Variants in GRIA4 observed in about 807,000 individuals in gnomAD.
The protein encoded by GRIA4 is glutamate receptor 4.
GRIA4 carries 34 observed loss-of-function variants against 104.0 expected under a neutral mutation model. The observed-to-expected ratio is 0.33, with a 90% CI of 0.25 to 0.44. The LOEUF is 0.44. GRIA4 is among the 20% of genes least tolerant of loss of function. GRIA4 has a pLI of 1.00. For missense variants in GRIA4, 750 were observed against 1,096.5 expected, an observed-to-expected ratio of 0.68 and a Z score of 4.46; for synonymous variants, 386 against 381.9, an observed-to-expected ratio of 1.01 and a Z score of -0.13.
chr11:105,753,984 T>C (rs1364336269), intron 4 of GRIA4, among the ~76,000 whole-genome samples: 1 of 152,130 alleles, frequency 6.6e-6, no homozygotes, highest in Non-Finnish European at 1.5e-5. Context: ...CCTTTGGGTT[T>C]TTATGAAAGC....
At chr11:105,763,656 A>G (rs1940781284) in intron 4 of GRIA4, among the ~76,000 whole-genome samples, 1 of 152,188 alleles carries the variant, frequency 6.6e-6, no homozygotes, top group Non-Finnish European at 1.5e-5. Flanking sequence ...GTTTTGATAG[A>G]TGCCAGGTTA....
chr11:105,949,018 T>G (rs1489711328), intron 14 of GRIA4, among the ~76,000 whole-genome samples: 2 of 152,180 alleles, frequency 1.3e-5, no homozygotes, highest in Non-Finnish European at 2.9e-5. Context: ...CCCTTGATAT[T>G]AACAACAAAG....
chr11:105,767,855 A>G (rs1941023058), intron 4 of GRIA4, among the ~76,000 whole-genome samples: 1 of 152,154 alleles, frequency 6.6e-6, no homozygotes, highest in Non-Finnish European at 1.5e-5. Context: ...AAGTGCAGGC[A>G]GTTTGGATTA....
At position 105,913,390 on chromosome 11, in the gene GRIA4, C is replaced by T. The variant is rs112824976; in HGVS notation, c.1269+2845C>T. ...TGAATTTATTCTACCTGAATATAAT[C>T]ATACTGAATATACCACAGCAAAATC... On this transcript the variant is annotated intron_variant, in intron 10 of 16. Coordinates refer to ENST00000282499, the MANE Select transcript of GRIA4 (RefSeq NM_000829.4). The T allele has an allele frequency of 1.2e-3, 555 of 461,542 alleles. 5 individuals carry two copies. The highest frequency in any genetic ancestry group is 0.011 in the African/African-American group (530 of 47,270). 28.6% of individuals were successfully genotyped at this position (461,542 alleles called of 1,614,324 possible). A position where few individuals can be genotyped will look rare whatever the true frequency, so the allele number is the denominator to read the frequency against.
intron 9 of GRIA4, among the ~76,000 whole-genome samples, chr11:105,907,525 CTT>C (rs1320724459): frequency 3.3e-5 from 5 of 152,174 alleles, no homozygotes; most frequent in Non-Finnish European, 7.3e-5. Context: ...GTTTGTCTGA[CTT>C]CTGCAACAGG....
At chr11:105,961,191 A>G (rs1948736970) in intron 14 of GRIA4, among the ~76,000 whole-genome samples, 1 of 152,212 alleles carries the variant, frequency 6.6e-6, no homozygotes, top group Admixed American at 6.5e-5. Flanking sequence ...ATGGTGAGAA[A>G]TGAATTTGCA....
At chr11:105,943,834 T>A (rs1042383695) in intron 14 of GRIA4, among the ~76,000 whole-genome samples, 2 of 152,064 alleles carry the variant, frequency 1.3e-5, no homozygotes, top group African/African-American at 4.8e-5. Flanking sequence ...AGCTTTACCA[T>A]CTCTGCAGGT....
At chr11:105,676,194 A>G (rs1304811368) in intron 3 of GRIA4, among the ~76,000 whole-genome samples, 3 of 151,774 alleles carry the variant, frequency 2.0e-5, no homozygotes, top group Admixed American at 6.6e-5. Flanking sequence ...TGATGGATAT[A>G]TAAATTACTA....
chr11:105,920,372 A>T (rs1173051415), intron 11 of GRIA4, among the ~76,000 whole-genome samples: 1 of 152,194 alleles, frequency 6.6e-6, no homozygotes, highest in East Asian at 1.9e-4. Flanking sequence ...CTTAGATGTT[A>T]ACAATATCGA....
At chr11:105,846,446 G>A (rs1049079959) in intron 4 of GRIA4, among the ~76,000 whole-genome samples, 2 of 151,950 alleles carry the variant, frequency 1.3e-5, no homozygotes, top group Non-Finnish European at 2.9e-5. Flanking sequence ...ATGAATGCAT[G>A]TATACATAAT....
Position 105,924,437 on chromosome 11 carries a change from G to A in GRIA4, c.1515G>A (p.Leu505=), listed in dbSNP as rs376716642. 343 of 1,606,114 alleles carry A rather than the reference G, an allele frequency of 2.1e-4. No homozygotes were observed. Among genetic ancestry groups the A allele is most frequent in the Non-Finnish European group, 2.7e-4 (316 of 1,174,066 alleles). The part of the protein sequence containing the change: ...EIAIAPLTIT[L]VREEVIDFSK... ...CTATTGCCCCTCTGACAATCACTTT[G>A]GTACGAGAGGAGGTCATTGACTTTT... Residue 505 remains leucine (L), a synonymous_variant, in exon 12 of 17, where the codon TTG becomes TTA. Transcript: ENST00000282499.
intron 3 of GRIA4, among the ~76,000 whole-genome samples, chr11:105,616,997 G>A (rs1950617569): frequency 6.6e-6 from 1 of 151,034 alleles, no homozygotes; most frequent in Non-Finnish European, 1.5e-5. Context: ...GTATTTTAGA[G>A]TTGTCGTAGG....
rs1053249753 is a variant in GRIA4, at chr11:105,899,964, C to T, written c.885+1537C>T. Among the ~76,000 whole-genome samples, 121 of 152,070 alleles carry T rather than the reference C, an allele frequency of 8.0e-4. 1 individual carries two copies. Among genetic ancestry groups the T allele is most frequent in the Non-Finnish European group, 3.1e-4 (21 of 68,006 alleles). On this transcript the variant is annotated intron_variant, in intron 7 of 16. Transcript: ENST00000282499. ...TTTGGGCCATGTTAAACAGTGAAAT[C>T]ATCAGCAAAAAGCACAAAACTGCAG... is the stretch of plus-strand genomic sequence containing the variant.
chr11:105,826,832 A>C (rs949540770), intron 4 of GRIA4, among the ~76,000 whole-genome samples: 1 of 152,022 alleles, frequency 6.6e-6, no homozygotes, highest in African/African-American at 2.4e-5. Context: ...TGCGAAACAG[A>C]GTTAACAGCT....
intron 3 of GRIA4, among the ~76,000 whole-genome samples, chr11:105,681,124 A>G (rs1952696230): frequency 6.6e-6 from 1 of 152,202 alleles, no homozygotes; most frequent in Admixed American, 6.5e-5. Flanking sequence ...GAGTAAAGAG[A>G]GAGCATATGA....
chr11:105,744,556 A>G (rs1939526109), intron 3 of GRIA4, among the ~76,000 whole-genome samples: 1 of 152,172 alleles, frequency 6.6e-6, no homozygotes, highest in African/African-American at 2.4e-5. Flanking sequence ...TTTGCTGAGG[A>G]ATACATACCT....
Position 105,980,596 on chromosome 11 carries a change from C to T in GRIA4, c.*857C>T, listed in dbSNP as rs1206580717. ...CAATCATCAGTCTGCGGTGTAGACT[C>T]GAAAGAGATGACAGGTCACTCATGT... On this transcript the variant is annotated 3_prime_UTR_variant, in exon 17 of 17. Coordinates refer to ENST00000282499, the MANE Select transcript of GRIA4 (RefSeq NM_000829.4). 6.7e-6 allele frequency: 1 copy of T among 148,502 alleles called. No individual in the cohort carries two copies. Among genetic ancestry groups the T allele is most frequent in the Admixed American group, 6.7e-5 (1 of 14,958 alleles). The allele number at this position is 148,502 out of a possible 1,614,324, so 9.2% of individuals were successfully genotyped here.
chr11:105,805,864 A>C (rs1313179185), intron 4 of GRIA4, among the ~76,000 whole-genome samples: 1 of 151,890 alleles, frequency 6.6e-6, no homozygotes, highest in Non-Finnish European at 1.5e-5. Flanking sequence ...TTCCTTAGTA[A>C]CCCATAAATG....
At chr11:105,689,457 A>C (rs1017427530) in intron 3 of GRIA4, among the ~76,000 whole-genome samples, 1 of 152,218 alleles carries the variant, frequency 6.6e-6, no homozygotes, top group African/African-American at 2.4e-5. Flanking sequence ...TTGGAGTCTC[A>C]GTTCTATTGT....
Sources: allele counts gnomAD v4.1 joint callset (sites outside exome capture counted in the v4.1 genomes callset), GRCh38; gene constraint gnomAD v4.1.1; transcripts MANE v1.5; gene names NCBI Gene and HGNC (gene_info 2026-07-23, HGNC 2026-07-21).